CLSTN1: variants seen among roughly 807,000 people sequenced by gnomAD.
The protein encoded by CLSTN1 is calsyntenin-1.
A neutral mutation model predicts 108.3 loss-of-function variants in CLSTN1; 28 were observed. The observed-to-expected ratio is 0.26, with a 90% CI of 0.19 to 0.35. The LOEUF is 0.35. CLSTN1 is among the 10% of genes least tolerant of loss of function. The pLI is 1.00. For synonymous variants in CLSTN1, 524 were observed against 534.9 expected (o/e 0.98, Z 0.28); for missense variants, 1,157 against 1,302.6 (o/e 0.89, Z 1.72).
chr1:9,748,236 T>C (rs1470847762), intron 7 of CLSTN1, among the ~76,000 whole-genome samples: 2 of 152,180 alleles, frequency 1.3e-5, no homozygotes, highest in African/African-American at 4.8e-5. Flanking sequence ...CTAAATGTTC[T>C]TCCCTCAACA....
chr1:9,805,633 G>A (rs549518605), intron 1 of CLSTN1, among the ~76,000 whole-genome samples: 7 of 152,104 alleles, frequency 4.6e-5, no homozygotes, highest in African/African-American at 1.2e-4. Context: ...TTGGGAGGCC[G>A]AGGCAAGTGG....
At chr1:9,818,809 C>T (rs1298308033) in intron 1 of CLSTN1, among the ~76,000 whole-genome samples, 8 of 94,990 alleles carry the variant, frequency 8.4e-5, no homozygotes, top group African/African-American at 2.2e-4. Flanking sequence ...TTTTTTGAGA[C>T]GGAGTCTCAC....
At chr1:9,750,065 G>A in intron 5 of CLSTN1, 152 bp from the exon 6 acceptor site, 1 of 633,532 alleles carries the variant, frequency 1.6e-6, no homozygotes. Context: ...CCCTCAACCT[G>A]TCCTCCCTGA....
In CLSTN1 at chr1:9,823,698, G is replaced by T; in HGVS notation, c.36C>A (p.Ala12=). The change falls in exon 1 of 19, where the codon GCC becomes GCA. Residue 12 remains alanine, a synonymous_variant. Transcript: ENST00000377298. The surrounding 1 kb of genome is among the most constrained non-coding windows in gnomAD (Gnocchi z 6.3). ...LRRPAPALAP[A]ARLLLAGLLC... ...GCAGCCCGGCCAGCAGCAGCCGGGC[G>T]GCCGGGGCCAGCGCGGGAGCGGGGC... 2 of 1,139,228 alleles carry T rather than the reference G, an allele frequency of 1.8e-6. No homozygotes were observed. Among genetic ancestry groups the T allele is most frequent in the East Asian group, 8.8e-5 (2 of 22,754 alleles). The allele number at this position is 1,139,228 out of a possible 1,614,324, so 70.6% of individuals were successfully genotyped here. A position where few individuals can be genotyped will look rare whatever the true frequency, so the allele number is the denominator to read the frequency against.
intron 10 of CLSTN1, among the ~76,000 whole-genome samples, chr1:9,739,523 G>T (rs150418936): frequency 6.6e-6 from 1 of 152,220 alleles, no homozygotes; most frequent in East Asian, 1.9e-4. Context: ...CCACCCAAGG[G>T]CTCCATGGCA....
At chr1:9,791,685 C>A (rs866422091) in intron 1 of CLSTN1, among the ~76,000 whole-genome samples, 1 of 151,328 alleles carries the variant, frequency 6.6e-6, no homozygotes, top group African/African-American at 2.4e-5. Context: ...GTGCCCACCA[C>A]CATGCCCACT....
At chr1:9,767,929 CCACT>C (rs1214155611) in intron 2 of CLSTN1, among the ~76,000 whole-genome samples, 3 of 152,068 alleles carry the variant, frequency 2.0e-5, no homozygotes, top group African/African-American at 4.8e-5. Context: ...ACTGTACCAC[CCACT>C]GTTTAAAGCT....
chr1:9,786,560 T>C (rs1243536639), intron 1 of CLSTN1, among the ~76,000 whole-genome samples: 1 of 148,916 alleles, frequency 6.7e-6, no homozygotes, highest in African/African-American at 2.5e-5. Flanking sequence ...GGAGAATTGC[T>C]TGGACCCGGG....
rs1188510416 is a variant in CLSTN1, at chr1:9,730,238, G to A, written c.*270C>T. The A allele has an allele frequency of 1.5e-5, 8 of 541,672 alleles. No homozygotes were observed. The highest frequency in any genetic ancestry group is 3.8e-5 in the African/African-American group (2 of 52,874). 33.6% of individuals were successfully genotyped at this position (541,672 alleles called of 1,614,324 possible). ...GGGGGGAGACTCCAGACACAAACGCGGGGCCTGAGGCGCTGGGAGGCCCCT... is the reference window on the plus strand; with the variant it reads ...GGGGGGAGACTCCAGACACAAACGCAGGGCCTGAGGCGCTGGGAGGCCCCT... On this transcript the variant is annotated 3_prime_UTR_variant, in exon 19 of 19. Transcript: ENST00000377298. This position sits in a 1 kb window ranked among gnomAD's most constrained non-coding sequence, Gnocchi z 5.6.
Position 9,773,430 on chromosome 1 carries a change from T to C in CLSTN1, c.92-36A>G, listed in dbSNP as rs746795559. 38 of 1,555,794 alleles carry C rather than the reference T, an allele frequency of 2.4e-5. No individual in the cohort carries two copies. In the African/African-American group the frequency reaches 5.0e-4, roughly 20 times the overall value. ...AACAAGAGAAAAAAATAGACAAGGT[T>C]AGAAATATTATTTTCAACTCCACTA... On this transcript the variant is annotated intron_variant, in intron 1 of 18. Transcript: ENST00000377298.
chr1:9,740,309 C>T (rs1650914618), intron 10 of CLSTN1, among the ~76,000 whole-genome samples: 1 of 152,202 alleles, frequency 6.6e-6, no homozygotes, highest in East Asian at 1.9e-4. Flanking sequence ...ATCTGCCCGC[C>T]TCAGCCTCCC....
At chr1:9,820,600 A>T (rs1308297740) in intron 1 of CLSTN1, among the ~76,000 whole-genome samples, 1 of 152,200 alleles carries the variant, frequency 6.6e-6, no homozygotes, top group East Asian at 1.9e-4. Flanking sequence ...TTATCTGTAA[A>T]GTGAAAATTA....
At chr1:9,821,295 G>C (rs1570534454) in intron 1 of CLSTN1, among the ~76,000 whole-genome samples, 1 of 152,276 alleles carries the variant, frequency 6.6e-6, no homozygotes, top group East Asian at 1.9e-4. Flanking sequence ...AGTACACCCA[G>C]CTAATTTTTA....
At chr1:9,732,692 G>A (rs535185503) in intron 16 of CLSTN1, among the ~76,000 whole-genome samples, 10 of 152,342 alleles carry the variant, frequency 6.6e-5, no homozygotes, top group African/African-American at 4.8e-5. Flanking sequence ...GTCTGTAGAC[G>A]ACCTCAGAGC....
At chr1:9,767,270 C>T (rs1652384694) in intron 2 of CLSTN1, among the ~76,000 whole-genome samples, 1 of 152,214 alleles carries the variant, frequency 6.6e-6, no homozygotes, top group African/African-American at 2.4e-5. Flanking sequence ...AGGCTGGGCG[C>T]AGTGGCTCAC....
chr1:9,788,878 A>C (rs1000754164), intron 1 of CLSTN1, among the ~76,000 whole-genome samples: 2 of 151,176 alleles, frequency 1.3e-5, no homozygotes, highest in Non-Finnish European at 2.9e-5. Context: ...AAAAAAAAAA[A>C]AAAAAAAAAA....
In CLSTN1 at chr1:9,823,623, G is replaced by T; in HGVS notation, c.91+20C>A. The stretch of plus-strand genomic sequence containing the variant: ...GAATCCCGCACCGACCCAGCGGCCC[G>T]GCCCAGCCCCGGGGCTTACCTCGCG... On this transcript the variant is annotated intron_variant, in intron 1 of 18. Transcript: ENST00000377298. This position sits in a 1 kb window ranked among gnomAD's most constrained non-coding sequence, Gnocchi z 6.3. The T allele has an allele frequency of 8.5e-7, 1 of 1,179,092 alleles. No homozygotes were observed. Among genetic ancestry groups the T allele is most frequent in the South Asian group, 4.2e-5 (1 of 23,834 alleles). The allele number at this position is 1,179,092 out of a possible 1,614,324, so 73.0% of individuals were successfully genotyped here.
chr1:9,764,973 A>C (rs1652255617), intron 2 of CLSTN1, among the ~76,000 whole-genome samples: 1 of 152,230 alleles, frequency 6.6e-6, no homozygotes, highest in South Asian at 2.1e-4. Context: ...CACGGTTAAT[A>C]AGAAGCACCT....
Position 9,803,801 on chromosome 1 carries a change from T to TA in CLSTN1, c.91+19841dup, listed in dbSNP as rs541219167. Among the ~76,000 whole-genome samples, 71 of 151,550 alleles carry TA rather than the reference T, an allele frequency of 4.7e-4. 1 individual carries two copies. The highest frequency in any genetic ancestry group is 4.5e-3 in the Admixed American group (68 of 15,214). Reference sequence around the variant, plus strand: ...TGGGCAACAGAGCAAGACTCCATCTTAAAAAAAATTAAATAAAATTAAATT... The same window carrying TA: ...TGGGCAACAGAGCAAGACTCCATCTTAAAAAAAAATTAAATAAAATTAAATT... On this transcript the variant is annotated intron_variant, in intron 1 of 18. Coordinates refer to ENST00000377298, the MANE Select transcript of CLSTN1 (RefSeq NM_001009566.3).
Sources: gnomAD v4.1 joint callset for allele counts (sites outside exome capture counted in the v4.1 genomes callset) on GRCh38, gnomAD v4.1.1 for gene constraint, Gnocchi (gnomAD v3.1) non-coding constraint, MANE v1.5 for transcripts, NCBI Gene and HGNC (gene_info 2026-07-23, HGNC 2026-07-21) for gene names.